The following LY9 variants were observed in gnomAD, a reference collection of about 807,000 sequenced individuals.
LY9 encodes T-lymphocyte surface antigen Ly-9.
In LY9, 59 loss-of-function variants were observed where a neutral mutation model predicts 64.6. The ratio of observed to expected loss-of-function variants is 0.91; its 90% CI spans 0.74 to 1.13. The LOEUF (loss-of-function observed/expected upper bound fraction) is 1.13, where lower values mean the gene tolerates loss of function less well. LY9 is among the 50% of genes most tolerant of loss of function. LY9 has a pLI of 0.00. For synonymous variants in LY9, 281 were observed against 308.5 expected, an observed-to-expected ratio of 0.91 and a Z score of 0.93; for missense variants, 789 against 797.2, an observed-to-expected ratio of 0.99 and a Z score of 0.12.
intron 3 of LY9, 116 bp from the exon 4 acceptor site, chr1:160,814,304 A>G: frequency 1.3e-6 from 1 of 773,924 alleles, no homozygotes; most frequent in Non-Finnish European, 2.2e-6. Flanking sequence ...GGAGGAGGCC[A>G]GGAGAAAGAG....
chr1:160,818,800 C>A (rs546340341), intron 6 of LY9, among the ~76,000 whole-genome samples: 4 of 152,112 alleles, frequency 2.6e-5, no homozygotes, highest in Non-Finnish European at 1.5e-5. Context: ...AGCTCCGACA[C>A]CAGACAGGGA....
intron 2 of LY9, chr1:160,810,905 A>T (rs1476513905): frequency 1.3e-5 from 2 of 152,264 alleles, no homozygotes; most frequent in East Asian, 3.8e-4. Flanking sequence ...AGACATTGCC[A>T]TTCCAAAAGA....
At chr1:160,800,174 T>C in intron 2 of LY9, 92 bp downstream of exon 2, 1 of 900,302 alleles carries the variant, frequency 1.1e-6, no homozygotes, top group South Asian at 1.7e-5. Flanking sequence ...TATATGTATA[T>C]AGTGCATACT....
Position 160,813,651 on chromosome 1 carries a change from C to A in LY9, c.470C>A (p.Pro157His). 6.2e-7 allele frequency: 1 copy of A among 1,613,792 alleles called. No homozygotes were observed. Among genetic ancestry groups the A allele is most frequent in the Non-Finnish European group, 8.5e-7 (1 of 1,179,798 alleles). ...TLFVYEQLQE[P>H]QVTMKSVKVS... is the part of the protein sequence containing the mutation. ...GTCCCTGCAGAGCAGCTGCAGGAGC[C>A]CCAAGTCACCATGAAGTCTGTGAAG... is the stretch of plus-strand genomic sequence containing the variant. The change falls in exon 3 of 10, where the codon CCC (proline) becomes CAC (histidine). Residue 157 changes from proline (P) to histidine (H), a missense_variant. By Grantham distance (77) the Pro-to-His change is moderately conservative. Coordinates refer to ENST00000263285, the MANE Select transcript of LY9 (RefSeq NM_002348.4).
rs985131643 is a variant in LY9, at chr1:160,817,949, G to A, written c.1343-269G>A. Among the ~76,000 whole-genome samples the A allele has an allele frequency of 5.9e-5, 9 of 152,094 alleles. No homozygotes were observed. The South Asian group carries it at 6.2e-4, about 11-fold the overall frequency. On this transcript the variant is annotated intron_variant, in intron 5 of 9. Coordinates refer to ENST00000263285, the MANE Select transcript of LY9 (RefSeq NM_002348.4). ...TAAGGGCGCTGTAGGATCTGCACTC[G>A]AACCTCAGGTCAGACACTTGAAACA...
At chr1:160,814,121 C>G (rs568158143) in intron 3 of LY9, among the ~76,000 whole-genome samples, 7 of 152,288 alleles carry the variant, frequency 4.6e-5, no homozygotes, top group African/African-American at 1.7e-4. Flanking sequence ...AAGGTTAGAG[C>G]AAGGGAGGAG....
chr1:160,826,624 G>A (rs1449519010), intron 9 of LY9, among the ~76,000 whole-genome samples: 1 of 152,194 alleles, frequency 6.6e-6, no homozygotes, highest in Non-Finnish European at 1.5e-5. Flanking sequence ...TGAAGGTGGG[G>A]GATATCACTG....
rs3737782 is a variant in LY9 at position 160,814,523 on chromosome 1, G to T, written c.834G>T (p.Glu278Asp). 5 of 1,614,062 alleles carry T rather than the reference G, an allele frequency of 3.1e-6. 1 individual carries two copies. The South Asian group carries it at 3.3e-5, about 11-fold the overall frequency. Residue 278 changes from glutamate (E) to aspartate (D), a missense_variant, in exon 4 of 10, where the codon GAG becomes GAT. Coordinates refer to ENST00000263285, the MANE Select transcript of LY9 (RefSeq NM_002348.4). ...PLALPACRDT[E>D]KVVWLFNTSI... ...CACTCCCAGCCTGCCGGGACACAGAGAAGGTTGTCTGGTTGTTTAACACAT... is the reference window on the plus strand; with the variant it reads ...CACTCCCAGCCTGCCGGGACACAGATAAGGTTGTCTGGTTGTTTAACACAT...
chr1:160,817,278 C>G (rs993903668), intron 5 of LY9, among the ~76,000 whole-genome samples: 1 of 152,150 alleles, frequency 6.6e-6, no homozygotes, highest in Non-Finnish European at 1.5e-5. Context: ...GTAAAATTTA[C>G]AGTTGAAAAA....
At chr1:160,798,933 C>T (rs1666167300) in intron 1 of LY9, 3 of 152,184 alleles carry the variant, frequency 2.0e-5, no homozygotes, top group South Asian at 2.1e-4. Context: ...AAGCTAGGGT[C>T]ACCCAGAAGA....
Position 160,799,964 on chromosome 1 carries a change from G to T in LY9, c.336G>T (p.Trp112Cys). 1 of 1,614,102 alleles carries T rather than the reference G, an allele frequency of 6.2e-7. No homozygotes were observed. The highest frequency in any genetic ancestry group is 8.5e-7 in the Non-Finnish European group (1 of 1,180,000). Residue 112 changes from tryptophan to cysteine, a missense_variant, in exon 2 of 10, where the codon TGG (tryptophan) becomes TGT (cysteine). Physicochemically the swap from Trp to Cys is radical, Grantham distance 215. Transcript: ENST00000263285. ...TGGGCCGACTAGACATCACCAAGTGGAGTTACTCCCTGTGCATCAGCAATC... is the reference window on the plus strand; with the variant it reads ...TGGGCCGACTAGACATCACCAAGTGTAGTTACTCCCTGTGCATCAGCAATC... ...SYLGRLDITK[W>C]SYSLCISNLT...
intron 2 of LY9, among the ~76,000 whole-genome samples, chr1:160,806,684 T>C (rs990408410): frequency 6.6e-6 from 1 of 152,222 alleles, no homozygotes; most frequent in African/African-American, 2.4e-5. Flanking sequence ...TTAGATAGTT[T>C]GACTGTGATG....
At chr1:160,821,245 C>G (rs945297661) in intron 7 of LY9, among the ~76,000 whole-genome samples, 2 of 151,580 alleles carry the variant, frequency 1.3e-5, no homozygotes, top group East Asian at 3.9e-4. Context: ...GTCTCTCCCC[C>G]AAGAGACAAC....
intron 4 of LY9, 87 bp downstream of exon 4, chr1:160,814,848 AG>A (rs1379607283): frequency 4.5e-6 from 5 of 1,109,652 alleles, no homozygotes; most frequent in Non-Finnish European, 5.2e-6. Context: ...CGCTTCTCCA[AG>A]GGTCTTCCCT....
chr1:160,807,767 C>G (rs1667116136), intron 2 of LY9, among the ~76,000 whole-genome samples: 1 of 152,136 alleles, frequency 6.6e-6, no homozygotes, highest in Admixed American at 6.5e-5. Context: ...GGAGTTAGGC[C>G]CACCCTAGGC....
intron 7 of LY9, among the ~76,000 whole-genome samples, chr1:160,821,980 T>G (rs561740458): frequency 6.6e-6 from 1 of 152,342 alleles, no homozygotes; most frequent in Non-Finnish European, 1.5e-5. Flanking sequence ...TTGTCTATGC[T>G]TCATGGGGTT....
chr1:160,825,840 G>A (rs1433515732), intron 9 of LY9, among the ~76,000 whole-genome samples: 1 of 152,074 alleles, frequency 6.6e-6, no homozygotes. Flanking sequence ...AACCCAGGAG[G>A]TGGAGGTTGC....
At chr1:160,802,111 G>A (rs1354739534) in intron 2 of LY9, 5 of 1,373,688 alleles carry the variant, frequency 3.6e-6, no homozygotes, top group Admixed American at 3.2e-5. Flanking sequence ...CACCGGAGCC[G>A]CCAACTTGGA....
intron 8 of LY9, 39 bp downstream of exon 8, chr1:160,823,835 A>T: frequency 1.3e-6 from 2 of 1,482,392 alleles, no homozygotes; most frequent in Non-Finnish European, 1.9e-6. Context: ...TCCTCCTCCC[A>T]TGTCTAGCGG....
Sources: allele counts gnomAD v4.1 joint callset (sites outside exome capture counted in the v4.1 genomes callset), GRCh38; gene constraint gnomAD v4.1.1; transcripts MANE v1.5; gene names NCBI Gene and HGNC (gene_info 2026-07-23, HGNC 2026-07-21).